CNTN6: variants seen among roughly 807,000 people sequenced by gnomAD.
The protein encoded by CNTN6 is contactin 6, also known as contactin-6.
In CNTN6, 137 loss-of-function variants were observed where a neutral mutation model predicts 122.8. That is an observed-to-expected ratio of 1.12 (90% CI 0.97 to 1.29). The LOEUF is 1.29. CNTN6 is among the 50% of genes most tolerant of loss of function. The pLI is 0.00. For missense variants in CNTN6, 1,634 were observed against 1,223.4 expected, an observed-to-expected ratio of 1.34 and a Z score of -5.01; for synonymous variants, 570 against 426.0, an observed-to-expected ratio of 1.34 and a Z score of -4.16.
rs1307489841 is a variant in CNTN6 at position 1,401,551 on chromosome 3, T to G, written c.2817+6T>G. ...CTGAAGTTTTGGGGTACAAGGTGAG[T>G]TTTTAGTTTTTCCTTTAATCATATC... On this transcript the variant is annotated splice_donor_region_variant and intron_variant, in intron 21 of 22. Coordinates refer to ENST00000446702, the MANE Select transcript of CNTN6 (RefSeq NM_001289080.2). The G allele has an allele frequency of 3.1e-6, 5 of 1,588,228 alleles. No homozygotes were observed. Among genetic ancestry groups the G allele is most frequent in the Non-Finnish European group, 4.3e-6 (5 of 1,160,812 alleles).
chr3:1,161,819 G>A (rs1411426603), intron 2 of CNTN6, among the ~76,000 whole-genome samples: 1 of 150,104 alleles, frequency 6.7e-6, no homozygotes, highest in African/African-American at 2.5e-5. Context: ...TATATGTTCT[G>A]TACATGTATA....
At chr3:1,195,248 C>T (rs1245578584) in intron 2 of CNTN6, among the ~76,000 whole-genome samples, 2 of 152,146 alleles carry the variant, frequency 1.3e-5, no homozygotes, top group Non-Finnish European at 2.9e-5. Context: ...ACTTTCTCTG[C>T]CTCTAAACTG....
intron 6 of CNTN6, among the ~76,000 whole-genome samples, chr3:1,296,080 C>T (rs555444): frequency 0.79 from 120,675 of 152,078 alleles, 48,067 homozygotes; most frequent in East Asian, 1. Context: ...AAAACAAAAA[C>T]GATGTTCCGG....
intron 20 of CNTN6, among the ~76,000 whole-genome samples, chr3:1,399,677 G>A (rs1371498965): frequency 6.6e-6 from 1 of 152,032 alleles, no homozygotes; most frequent in African/African-American, 2.4e-5. Context: ...TACAGCCTGA[G>A]AAGATCACCA....
chr3:1,099,369 G>C (rs11128531), intron 1 of CNTN6, among the ~76,000 whole-genome samples: 1 of 151,460 alleles, frequency 6.6e-6, no homozygotes, highest in South Asian at 2.1e-4. Context: ...GAGAATGGCG[G>C]GAACCCGGGG....
chr3:1,122,625 G>A (rs11128538), intron 1 of CNTN6, among the ~76,000 whole-genome samples: 98,818 of 151,576 alleles, frequency 0.65, 32,629 homozygotes, highest in Admixed American at 0.74. Flanking sequence ...TTTCCAGGCC[G>A]CAACAACTAC....
chr3:1,341,832 A>C (rs1397595033), intron 11 of CNTN6, among the ~76,000 whole-genome samples: 3 of 152,178 alleles, frequency 2.0e-5, no homozygotes, highest in African/African-American at 7.2e-5. Context: ...CACTAGTTGT[A>C]AATACAATTA....
At chr3:1,355,192 G>A (rs999649825) in intron 12 of CNTN6, among the ~76,000 whole-genome samples, 4 of 151,468 alleles carry the variant, frequency 2.6e-5, no homozygotes, top group Non-Finnish European at 5.9e-5. Flanking sequence ...TCATTAACAA[G>A]AACTATCCTA....
chr3:1,286,608 A>G (rs1013461658), intron 5 of CNTN6, among the ~76,000 whole-genome samples: 2 of 152,204 alleles, frequency 1.3e-5, no homozygotes, highest in Non-Finnish European at 2.9e-5. Flanking sequence ...TATCATTGAT[A>G]GATAGATAGA....
At position 1,286,168 on chromosome 3, in the gene CNTN6, A is replaced by G. The variant is rs556287057; in HGVS notation, c.454+7660A>G. Reference sequence around the variant, plus strand: ...GTACACTTTGTGGCAGTAGGGCCAGATGTTGGGGAGATAGGAAGTAATTCT... The same window carrying G: ...GTACACTTTGTGGCAGTAGGGCCAGGTGTTGGGGAGATAGGAAGTAATTCT... On this transcript the variant is annotated intron_variant, in intron 5 of 22. Coordinates refer to ENST00000446702, the MANE Select transcript of CNTN6 (RefSeq NM_001289080.2). Among the ~76,000 whole-genome samples, 103 of 152,322 alleles carry G rather than the reference A, an allele frequency of 6.8e-4. 1 individual carries two copies. The highest frequency in any genetic ancestry group is 2.4e-3 in the African/African-American group (99 of 41,562).
At chr3:1,197,304 A>C (rs1172168845) in intron 2 of CNTN6, among the ~76,000 whole-genome samples, 2 of 152,158 alleles carry the variant, frequency 1.3e-5, no homozygotes, top group Non-Finnish European at 2.9e-5. Context: ...GGTTAATTAG[A>C]CCATTTTGTC....
Position 1,278,435 on chromosome 3 carries a change from A to G in CNTN6, c.381A>G (p.Lys127=). The change falls in exon 5 of 23, where the codon AAA becomes AAG. Residue 127 remains lysine (K), a synonymous_variant. Coordinates refer to ENST00000446702, the MANE Select transcript of CNTN6 (RefSeq NM_001289080.2). ...QFAYIEDFET[K]TRSTVSVREG... ...AAGATATTGAAGACTTTGAAACTAA[A>G]ACAAGAAGCACAGTATCTGTCCGAG... 6.2e-7 allele frequency: 1 copy of G among 1,608,300 alleles called. No homozygotes were observed. The highest frequency in any genetic ancestry group is 8.5e-7 in the Non-Finnish European group (1 of 1,176,110).
At chr3:1,362,388 C>A (rs982675518) in intron 12 of CNTN6, among the ~76,000 whole-genome samples, 8 of 151,986 alleles carry the variant, frequency 5.3e-5, no homozygotes, top group Admixed American at 3.3e-4. Flanking sequence ...CAGACAAGGG[C>A]TTTAAAATAA....
At chr3:1,107,266 G>C (rs1392537733) in intron 1 of CNTN6, among the ~76,000 whole-genome samples, 1 of 152,106 alleles carries the variant, frequency 6.6e-6, no homozygotes, top group Non-Finnish European at 1.5e-5. Context: ...ACAAAAGCCA[G>C]AAAATGATCA....
At chr3:1,189,514 G>A (rs1023738552) in intron 2 of CNTN6, among the ~76,000 whole-genome samples, 1 of 152,086 alleles carries the variant, frequency 6.6e-6, no homozygotes, top group African/African-American at 2.4e-5. Flanking sequence ...CCTTTAAAGT[G>A]CTTACCACAT....
At chr3:1,173,073 C>T (rs2093388139) in intron 2 of CNTN6, 37 of 378,134 alleles carry the variant, frequency 9.8e-5, no homozygotes, top group South Asian at 7.2e-4. Context: ...CGCCATTGCC[C>T]ATTTAACTCA....
At chr3:1,281,345 T>G (rs1436761175) in intron 5 of CNTN6, among the ~76,000 whole-genome samples, 1 of 152,132 alleles carries the variant, frequency 6.6e-6, no homozygotes, top group East Asian at 1.9e-4. Flanking sequence ...CAGAGCACTG[T>G]AAAGTAAATG....
intron 1 of CNTN6, among the ~76,000 whole-genome samples, chr3:1,131,646 G>T (rs930908192): frequency 1.3e-5 from 2 of 152,098 alleles, no homozygotes; most frequent in African/African-American, 4.8e-5. Flanking sequence ...AACCTCCAGG[G>T]ATAGAGCTGA....
chr3:1,098,983 C>T (rs192213517), intron 1 of CNTN6, among the ~76,000 whole-genome samples: 40 of 150,820 alleles, frequency 2.7e-4, no homozygotes, highest in Non-Finnish European at 4.3e-4. Context: ...GTAACTCTAC[C>T]TAGTCCATTC....
Sources: gnomAD v4.1 joint callset for allele counts (sites outside exome capture counted in the v4.1 genomes callset) on GRCh38, gnomAD v4.1.1 for gene constraint, MANE v1.5 for transcripts, NCBI Gene and HGNC (gene_info 2026-07-23, HGNC 2026-07-21) for gene names.